Variants in DENND2B observed in about 807,000 individuals in gnomAD.
The protein encoded by DENND2B is DENN domain containing 2B.
A neutral mutation model predicts 116.0 loss-of-function variants in DENND2B; 32 were observed. The observed-to-expected ratio is 0.28, with a 90% CI of 0.21 to 0.37. DENND2B has a LOEUF of 0.37. DENND2B is among the 10% of genes least tolerant of loss of function. The pLI is 1.00. For synonymous variants in DENND2B, 588 were observed against 583.9 expected, an observed-to-expected ratio of 1.01 and a Z score of -0.10; for missense variants, 1,276 against 1,477.7, an observed-to-expected ratio of 0.86 and a Z score of 2.24.
At chr11:8,806,605 A>AAAACACACACACACACACACACACAC (rs372362474) in intron 1 of DENND2B, among the ~76,000 whole-genome samples, 1 of 118,494 alleles carries the variant, frequency 8.4e-6, no homozygotes, top group Non-Finnish European at 1.7e-5. Context: ...CTCCCTTCAA[A>AAAACACACACACACACACACACACAC]ACACACACAC....
chr11:8,858,720 C>T (rs189613547), intron 2 of DENND2B, among the ~76,000 whole-genome samples: 5 of 152,264 alleles, frequency 3.3e-5, no homozygotes, highest in Admixed American at 3.3e-4. Flanking sequence ...GGAGCCAGGA[C>T]CAGCTGAGGA....
intron 3 of DENND2B, among the ~76,000 whole-genome samples, chr11:8,846,418 C>A (rs534332967): frequency 6.6e-6 from 1 of 152,132 alleles, no homozygotes; most frequent in Non-Finnish European, 1.5e-5. Context: ...CAGTATCATC[C>A]GAACCAAAGC....
At position 8,695,450 on chromosome 11, in the gene DENND2B, C is replaced by T. The variant is rs376782645; in HGVS notation, c.3379+13G>A. On this transcript the variant is annotated intron_variant, in intron 19 of 19. Coordinates refer to ENST00000313726, the MANE Select transcript of DENND2B (RefSeq NM_213618.2). ...TGCTGAACATCTATCTCATCAGTAA[C>T]AAGGCCACTTACCCAAACCTCGGAG... 3 of 1,612,200 alleles carry T rather than the reference C, an allele frequency of 1.9e-6. No individual in the cohort carries two copies. Among genetic ancestry groups the T allele is most frequent in the African/African-American group, 2.7e-5 (2 of 74,894 alleles).
chr11:8,709,990 G>A (rs1175271692), intron 11 of DENND2B, among the ~76,000 whole-genome samples: 1 of 152,124 alleles, frequency 6.6e-6, no homozygotes. Context: ...GCACGTGCCT[G>A]ACTCTCAATA....
At chr11:8,847,159 G>A (rs1010690667) in intron 3 of DENND2B, among the ~76,000 whole-genome samples, 9 of 152,352 alleles carry the variant, frequency 5.9e-5, no homozygotes, top group African/African-American at 2.2e-4. Context: ...ACCTGAGGCT[G>A]TAGCACCAAT....
intron 2 of DENND2B, among the ~76,000 whole-genome samples, chr11:8,735,392 G>T (rs141672705): frequency 1.3e-5 from 2 of 152,176 alleles, no homozygotes; most frequent in African/African-American, 2.4e-5. Flanking sequence ...ACATGAGTGC[G>T]CCCAGGGGAA....
intron 3 of DENND2B, among the ~76,000 whole-genome samples, chr11:8,844,543 T>A (rs1033366147): frequency 6.6e-6 from 1 of 152,194 alleles, no homozygotes; most frequent in African/African-American, 2.4e-5. Context: ...CATTTTATAC[T>A]ATGCCTTTTT....
intron 1 of DENND2B, among the ~76,000 whole-genome samples, chr11:8,883,230 T>C (rs1336764898): frequency 6.6e-6 from 1 of 152,126 alleles, no homozygotes; most frequent in East Asian, 1.9e-4. Flanking sequence ...CAAAAAGAGA[T>C]CTCTTTAGAA....
intron 1 of DENND2B, chr11:8,809,254 G>C (rs10840130): frequency 0.33 from 50,660 of 152,154 alleles, 10,226 homozygotes; most frequent in Non-Finnish European, 0.44. Flanking sequence ...CCGGAACTGG[G>C]GACATGGCCA....
chr11:8,766,997 C>T (rs1274977434), intron 1 of DENND2B, among the ~76,000 whole-genome samples: 1 of 152,148 alleles, frequency 6.6e-6, no homozygotes, highest in African/African-American at 2.4e-5. Flanking sequence ...AAAAGAATTT[C>T]GAATTCCAGG....
intron 4 of DENND2B, among the ~76,000 whole-genome samples, chr11:8,816,794 C>A (rs1265207412): frequency 1.3e-5 from 1 of 77,758 alleles, no homozygotes; most frequent in Non-Finnish European, 3.6e-5. Context: ...AAGTCCCTGT[C>A]TCCCTTAGGG....
chr11:8,778,674 G>A (rs527409521), intron 1 of DENND2B, among the ~76,000 whole-genome samples: 7 of 152,354 alleles, frequency 4.6e-5, no homozygotes, highest in African/African-American at 1.7e-4. Flanking sequence ...CGGGGGCTGG[G>A]AGGCATGGTG....
At position 8,819,398 on chromosome 11, in the gene DENND2B, C is replaced by CA. The variant is rs941548429; in HGVS notation, c.-114-8064dup. On this transcript the variant is annotated intron_variant, in intron 4 of 6. Coordinates refer to the DENND2B transcript ENST00000524757. The stretch of plus-strand genomic sequence containing the variant: ...TGGGTGACAGAGTGAGACCTTGTCT[C>CA]AAAAAAAAAAAAGTTTAAGATAAAA... 2.9e-3 allele frequency among the ~76,000 whole-genome samples: 410 copies of CA among 139,010 alleles called. 1 individual carries two copies. The highest frequency in any genetic ancestry group is 3.7e-3 in the Non-Finnish European group (235 of 63,754). 91.2% of individuals were successfully genotyped at this position (139,010 alleles called of 152,430 possible).
chr11:8,755,679 G>A (rs1311237632), intron 1 of DENND2B, among the ~76,000 whole-genome samples: 1 of 152,144 alleles, frequency 6.6e-6, no homozygotes, highest in Non-Finnish European at 1.5e-5. Flanking sequence ...GTAGAGATGG[G>A]GTTTCTTTAT....
At chr11:8,851,800 C>T (rs936266043) in intron 3 of DENND2B, among the ~76,000 whole-genome samples, 40 of 152,082 alleles carry the variant, frequency 2.6e-4, no homozygotes, top group Non-Finnish European at 5.6e-4. Context: ...TTTTTTAATT[C>T]GTTTTAAAGT....
At chr11:8,854,815 C>T (rs559000343) in intron 3 of DENND2B, among the ~76,000 whole-genome samples, 2 of 152,254 alleles carry the variant, frequency 1.3e-5, no homozygotes, top group African/African-American at 4.8e-5. Context: ...CAGGTTCAAC[C>T]GATTCTCATG....
chr11:8,709,502 A>C (rs1002544249), intron 11 of DENND2B, among the ~76,000 whole-genome samples: 4 of 152,120 alleles, frequency 2.6e-5, no homozygotes, highest in Non-Finnish European at 5.9e-5. Flanking sequence ...ACTCCTTCCA[A>C]GCCTGGGAGG....
chr11:8,778,081 A>T (rs1256667102), intron 1 of DENND2B, among the ~76,000 whole-genome samples: 1 of 152,222 alleles, frequency 6.6e-6, no homozygotes, highest in Non-Finnish European at 1.5e-5. Context: ...GAAAGGCCAC[A>T]GCAGCTGCTG....
chr11:8,739,088 G>T (rs1565797361), intron 2 of DENND2B, among the ~76,000 whole-genome samples: 2 of 152,172 alleles, frequency 1.3e-5, no homozygotes, highest in Non-Finnish European at 2.9e-5. Flanking sequence ...AACTTAAAAG[G>T]AATTATTATT....
Sources: allele counts gnomAD v4.1 joint callset (sites outside exome capture counted in the v4.1 genomes callset), GRCh38; gene constraint gnomAD v4.1.1; transcripts MANE v1.5; gene names NCBI Gene and HGNC (gene_info 2026-07-23, HGNC 2026-07-21).